The following GNB3 variants were observed in gnomAD, a reference collection of about 807,000 sequenced individuals.
The protein encoded by GNB3 is guanine nucleotide-binding protein G(I)/G(S)/G(T) subunit beta-3.
GNB3 carries 33 observed loss-of-function variants against 41.2 expected under a neutral mutation model. That is an observed-to-expected ratio of 0.80 (90% CI 0.61 to 1.07). The LOEUF (loss-of-function observed/expected upper bound fraction) is 1.07, where lower values mean the gene tolerates loss of function less well. Among genes scored for constraint, GNB3 ranks in the 50% least tolerant of loss-of-function variants. GNB3 has a pLI of 0.00. For synonymous variants in GNB3, 172 were observed against 173.4 expected (o/e 0.99, Z 0.06); for missense variants, 409 against 455.3 (o/e 0.90, Z 0.92).
Position 6,843,977 on chromosome 12 carries a change from G to A in GNB3, c.698G>A (p.Cys233Tyr). 3.1e-6 allele frequency: 5 copies of A among 1,604,892 alleles called. No homozygotes were observed. In the South Asian group the frequency reaches 4.5e-5, roughly 14 times the overall value. Residue 233 changes from cysteine (C) to tyrosine (Y), a missense_variant and splice_region_variant, in exon 8 of 10, where the codon TGT becomes TAT. Coordinates refer to ENST00000229264, the MANE Select transcript of GNB3 (RefSeq NM_002075.4). The surrounding 1 kb of genome is among the most constrained non-coding windows in gnomAD (Gnocchi z 5.9). ...TGHESDINAICFFPNGEAICT... is the reference protein window; with the variant it reads ...TGHESDINAIYFFPNGEAICT... ...CACGAGTCGGACATCAACGCCATCTGTGTGAGTGCACCCCCCACCCCAGCT... is the reference window on the plus strand; with the variant it reads ...CACGAGTCGGACATCAACGCCATCTATGTGAGTGCACCCCCCACCCCAGCT...
At position 6,841,321 on chromosome 12, in the gene GNB3, G is replaced by C; in HGVS notation, c.34G>C (p.Glu12Gln). 6.2e-7 allele frequency: 1 copy of C among 1,613,640 alleles called. No individual in the cohort carries two copies. Among genetic ancestry groups the C allele is most frequent in the Non-Finnish European group, 8.5e-7 (1 of 1,179,780 alleles). ...GATGGAGCAACTGCGTCAGGAAGCG[G>C]AGCAGCTCAAGAAGCAGATTGCAGT... Reference protein sequence around the residue: ...GEMEQLRQEAEQLKKQIADAR... With the variant: ...GEMEQLRQEAQQLKKQIADAR... The change falls in exon 2 of 10, where the codon GAG (glutamate) becomes CAG (glutamine). Residue 12 changes from glutamate to glutamine, a missense_variant. By Grantham distance (29) the Glu-to-Gln change is conservative. Transcript: ENST00000229264.
intron 9 of GNB3, chr12:6,846,280 C>G (rs2137993637): frequency 5.9e-6 from 1 of 170,670 alleles, no homozygotes; most frequent in South Asian, 1.6e-4. Context: ...TAACACTGGC[C>G]AGGGGCAGAA....
intron 8 of GNB3, 113 bp downstream of exon 8, chr12:6,844,091 G>GT (rs1432718669): frequency 1.6e-4 from 42 of 258,784 alleles, no homozygotes; most frequent in South Asian, 5.9e-4. Context: ...CTTTCTTACT[G>GT]TATTTTTTTT....
rs1943627902 is a variant in GNB3, at chr12:6,843,941, C to CT, written c.665dup (p.Thr223HisfsTer25). 6.2e-7 allele frequency: 1 copy of CT among 1,613,770 alleles called. No individual in the cohort carries two copies. The highest frequency in any genetic ancestry group is 8.5e-7 in the Non-Finnish European group (1 of 1,179,776). On this transcript the variant is annotated frameshift_variant, in exon 8 of 10. Coordinates refer to ENST00000229264, the MANE Select transcript of GNB3 (RefSeq NM_002075.4). LOFTEE classifies it high-confidence loss of function. This position sits in a 1 kb window ranked among gnomAD's most constrained non-coding sequence, Gnocchi z 5.9. ...GTGCGAGAGGGGACCTGCCGTCAGA[C>CT]TTTCACTGGCCACGAGTCGGACATC...
Position 6,843,592 on chromosome 12 carries a change from G to A in GNB3, c.431-40G>A, listed in dbSNP as rs1555123889. On this transcript the variant is annotated intron_variant, in intron 6 of 9. Transcript: ENST00000229264. This position sits in a 1 kb window ranked among gnomAD's most constrained non-coding sequence, Gnocchi z 5.9. The stretch of plus-strand genomic sequence containing the variant: ...GAACCCTGGGCTTCCAGTGGGCTGT[G>A]GCTCTGCAGCCAGGGCACTGTCCTT... The A allele has an allele frequency of 2.5e-6, 4 of 1,612,034 alleles. No individual in the cohort carries two copies. Among genetic ancestry groups the A allele is most frequent in the Non-Finnish European group, 3.4e-6 (4 of 1,178,088 alleles).
chr12:6,842,357 T>A (rs1204586675), intron 3 of GNB3, among the ~76,000 whole-genome samples: 1 of 152,190 alleles, frequency 6.6e-6, no homozygotes, highest in Non-Finnish European at 1.5e-5. Context: ...GAGACCAGCC[T>A]GGGCAACATA....
At chr12:6,842,902 A>G in intron 3 of GNB3, 68 bp from the exon 4 acceptor site, 1 of 994,786 alleles carries the variant, frequency 1.0e-6, no homozygotes, top group Non-Finnish European at 1.5e-6. Context: ...TGTATAGATC[A>G]GTGGCAGTGA....
At chr12:6,841,646 A>C in intron 3 of GNB3, 22 bp downstream of exon 3, 1 of 1,596,964 alleles carries the variant, frequency 6.3e-7, no homozygotes, top group Middle Eastern at 1.7e-4. Flanking sequence ...TGTCCCCCGG[A>C]AGGCAGGGCA....
At chr12:6,842,776 C>T (rs1225090445) in intron 3 of GNB3, among the ~76,000 whole-genome samples, 194 bp from the exon 4 acceptor site, 1 of 152,208 alleles carries the variant, frequency 6.6e-6, no homozygotes, top group Admixed American at 6.5e-5. Context: ...TTACAAGCAA[C>T]ACACCTCTGG....
chr12:6,844,877 G>T (rs1158297023), intron 8 of GNB3: 1 of 152,082 alleles, frequency 6.6e-6, no homozygotes. Context: ...AGTACTTCCC[G>T]AAACAAAGCC....
At position 6,843,245 on chromosome 12, in the gene GNB3, C is replaced by A. The variant is rs371433292; in HGVS notation, c.267+8C>A. The A allele has an allele frequency of 6.2e-7, 1 of 1,613,146 alleles. No individual in the cohort carries two copies. The highest frequency in any genetic ancestry group is 2.2e-5 in the East Asian group (1 of 44,890). The stretch of plus-strand genomic sequence containing the variant: ...AGCTACACCACCAACAAGGTACCAG[C>A]CCTGCCTCCCTGAGCCTCCACCACT... On this transcript the variant is annotated splice_region_variant and intron_variant, in intron 5 of 9. Coordinates refer to ENST00000229264, the MANE Select transcript of GNB3 (RefSeq NM_002075.4). The surrounding 1 kb of genome is among the most constrained non-coding windows in gnomAD (Gnocchi z 5.9).
rs1555123872 is a variant in GNB3 at position 6,843,560 on chromosome 12, G to T, written c.430+35G>T. The T allele has an allele frequency of 6.2e-7, 1 of 1,613,208 alleles. No homozygotes were observed. The highest frequency in any genetic ancestry group is 8.5e-7 in the Non-Finnish European group (1 of 1,179,156). ...AGACCCTCTCCTCCCCTCCTGAGGG[G>T]TTCAGGGAACCCTGGGCTTCCAGTG... On this transcript the variant is annotated intron_variant, in intron 6 of 9. Coordinates refer to ENST00000229264, the MANE Select transcript of GNB3 (RefSeq NM_002075.4). This position sits in a 1 kb window ranked among gnomAD's most constrained non-coding sequence, Gnocchi z 5.9.
At chr12:6,844,627 C>A (rs1428099038) in intron 8 of GNB3, among the ~76,000 whole-genome samples, 1 of 152,108 alleles carries the variant, frequency 6.6e-6, no homozygotes, top group Non-Finnish European at 1.5e-5. Context: ...CACTATGTTG[C>A]CCAGGCTGAG....
At chr12:6,844,093 ATTTTTTTTTTTT>A (rs34871066) in intron 8 of GNB3, 115 bp downstream of exon 8, 4 of 258,152 alleles carry the variant, frequency 1.5e-5, no homozygotes, top group South Asian at 6.0e-5. Context: ...TTCTTACTGT[ATTTTTTTTTTTT>A]TTTTTTTTTT....
In GNB3 at chr12:6,843,716, T is replaced by C; in HGVS notation, c.497+18T>C. The C allele has an allele frequency of 6.2e-7, 1 of 1,613,724 alleles. No homozygotes were observed. The highest frequency in any genetic ancestry group is 8.5e-7 in the Non-Finnish European group (1 of 1,179,576). On this transcript the variant is annotated intron_variant, in intron 7 of 9. Transcript: ENST00000229264. This position sits in a 1 kb window ranked among gnomAD's most constrained non-coding sequence, Gnocchi z 5.9. Reference sequence around the variant, plus strand: ...ACCACGTGGTGAGGCTGAACATTGCTGGTGCTGGGGCTTGGGAGTGGGCCC... The same window carrying C: ...ACCACGTGGTGAGGCTGAACATTGCCGGTGCTGGGGCTTGGGAGTGGGCCC...
intron 9 of GNB3, chr12:6,846,047 T>C (rs1170940982): frequency 7.7e-6 from 4 of 521,566 alleles, no homozygotes; most frequent in African/African-American, 7.6e-5. Flanking sequence ...CCCTAGGAGA[T>C]CTGTGGACCA....
Position 6,843,690 on chromosome 12 carries a change from C to A in GNB3, c.489C>A (p.Asp163Glu). ...DDNNIVTSSG[D>E]TTCALWDIET... ...ACAATATTGTGACCAGCTCGGGGGA[C>A]ACCACGTGGTGAGGCTGAACATTGC... is the stretch of plus-strand genomic sequence containing the variant. Residue 163 changes from aspartate (D) to glutamate (E), a missense_variant, in exon 7 of 10, where the codon GAC becomes GAA. Coordinates refer to ENST00000229264, the MANE Select transcript of GNB3 (RefSeq NM_002075.4). This position sits in a 1 kb window ranked among gnomAD's most constrained non-coding sequence, Gnocchi z 5.9. The A allele has an allele frequency of 6.2e-7, 1 of 1,614,092 alleles. No individual in the cohort carries two copies.
chr12:6,841,629 G>A lies in GNB3; in HGVS notation c.96+5G>A, dbSNP rs782583806. 1 of 1,611,188 alleles carries A rather than the reference G, an allele frequency of 6.2e-7. No individual in the cohort carries two copies. Among genetic ancestry groups the A allele is most frequent in the East Asian group, 2.2e-5 (1 of 44,836 alleles). Reference sequence around the variant, plus strand: ...GCTGACGTTACTCTGGCAGAGGTAAGACCCCCTGTCCCCCGGAAGGCAGGG... The same window carrying A: ...GCTGACGTTACTCTGGCAGAGGTAAAACCCCCTGTCCCCCGGAAGGCAGGG... On this transcript the variant is annotated splice_donor_5th_base_variant and intron_variant, in intron 3 of 9. Coordinates refer to ENST00000229264, the MANE Select transcript of GNB3 (RefSeq NM_002075.4).
chr12:6,846,045 G>A, intron 9 of GNB3: 1 of 526,132 alleles, frequency 1.9e-6, no homozygotes, highest in Non-Finnish European at 3.4e-6. Context: ...TGCCCTAGGA[G>A]ATCTGTGGAC....
Sources: gnomAD v4.1 joint callset for allele counts (sites outside exome capture counted in the v4.1 genomes callset) on GRCh38, gnomAD v4.1.1 for gene constraint, Gnocchi (gnomAD v3.1) non-coding constraint, MANE v1.5 for transcripts, NCBI Gene and HGNC (gene_info 2026-07-23, HGNC 2026-07-21) for gene names.